The following ADAM11 variants were observed in gnomAD, a reference collection of about 807,000 sequenced individuals.
The protein encoded by ADAM11 is ADAM metallopeptidase domain 11.
ADAM11 carries 49 observed loss-of-function variants against 119.1 expected under a neutral mutation model. That is an observed-to-expected ratio of 0.41 (90% CI 0.33 to 0.52). The LOEUF is 0.52. Ranked by LOEUF, ADAM11 falls within the 20% of genes least tolerant of loss-of-function variation. ADAM11 has a pLI of 0.20. For synonymous variants in ADAM11, 364 were observed against 408.0 expected (o/e 0.89, Z 1.30); for missense variants, 777 against 1,047.5 (o/e 0.74, Z 3.56).
Position 44,776,629 on chromosome 17 carries a change from G to A in ADAM11, c.1567-116G>A. 7.7e-7 allele frequency: 1 copy of A among 1,302,160 alleles called. No homozygotes were observed. Among genetic ancestry groups the A allele is most frequent in the Non-Finnish European group, 1.1e-6 (1 of 940,386 alleles). The allele number at this position is 1,302,160 out of a possible 1,614,324, so 80.7% of individuals were successfully genotyped here. A position where few individuals can be genotyped will look rare whatever the true frequency, so the allele number is the denominator to read the frequency against. ...GATCGCTTGTCCTAGGCGTGGAAGA[G>A]CCCTGTGGCATGAGCCCCCAATGGG... On this transcript the variant is annotated intron_variant, in intron 18 of 26. Transcript: ENST00000200557. This position sits in a 1 kb window ranked among gnomAD's most constrained non-coding sequence, Gnocchi z 5.2.
intron 11 of ADAM11, among the ~76,000 whole-genome samples, chr17:44,774,021 G>A (rs1364216278): frequency 6.6e-6 from 1 of 152,188 alleles, no homozygotes; most frequent in Admixed American, 6.5e-5. Flanking sequence ...AACCCAGGAG[G>A]TGGAGATTGC....
chr17:44,759,764 G>C lies in ADAM11; in HGVS notation c.104G>C (p.Gly35Ala), dbSNP rs2049366507. 3 of 1,325,700 alleles carry C rather than the reference G, an allele frequency of 2.3e-6. No individual in the cohort carries two copies. Among genetic ancestry groups the C allele is most frequent in the Admixed American group, 3.0e-5 (1 of 32,958 alleles). The allele number at this position is 1,325,700 out of a possible 1,614,324, so 82.1% of individuals were successfully genotyped here. ...QGPAGALRWG[G>A]LPQLGGPGAP... The stretch of plus-strand genomic sequence containing the variant: ...CCTGCTGGAGCTCTGCGATGGGGGG[G>C]CTTACCCCAGCTGGGAGGCCCAGGA... The change falls in exon 2 of 27, where the codon GGC becomes GCC. Residue 35 changes from glycine to alanine, a missense_variant. By Grantham distance (60) the Gly-to-Ala change is moderately conservative. Transcript: ENST00000200557.
chr17:44,769,261 G>A (rs886845), intron 2 of ADAM11, among the ~76,000 whole-genome samples: 135,848 of 152,208 alleles, frequency 0.89, 60,694 homozygotes, highest in African/African-American at 0.91. Flanking sequence ...GGCTGGGGCC[G>A]GGGTAGGGGG....
rs150238021 is a variant in ADAM11, at chr17:44,773,749, T to G, written c.992+322T>G. On this transcript the variant is annotated intron_variant, in intron 11 of 26. Coordinates refer to ENST00000200557, the MANE Select transcript of ADAM11 (RefSeq NM_002390.6). This position sits in a 1 kb window ranked among gnomAD's most constrained non-coding sequence, Gnocchi z 4.6. ...GGGAAAAAAATCTAATAAAAGGGCC[T>G]TGCAACTAGAGATGGTCTACTGGGA... is the stretch of plus-strand genomic sequence containing the variant. Among the ~76,000 whole-genome samples the G allele has an allele frequency of 2.9e-3, 439 of 152,300 alleles. 2 individuals are homozygous for G. The highest frequency in any genetic ancestry group is 0.01 in the African/African-American group (421 of 41,570).
intron 4 of ADAM11, 60 bp downstream of exon 4, chr17:44,770,108 T>C (rs189960470): frequency 8.8e-6 from 14 of 1,587,644 alleles, no homozygotes; most frequent in Non-Finnish European, 1.2e-5. Context: ...TTTCTGTGGT[T>C]CTGTGGTCAC....
chr17:44,762,917 G>A (rs546497417), intron 2 of ADAM11, among the ~76,000 whole-genome samples: 1 of 150,946 alleles, frequency 6.6e-6, no homozygotes, highest in East Asian at 1.9e-4. Context: ...GATTGCTTGA[G>A]ACCAGGAGTT....
Position 44,773,443 on chromosome 17 carries a change from T to C in ADAM11, c.992+16T>C, listed in dbSNP as rs1442883990. 2 of 1,607,948 alleles carry C rather than the reference T, an allele frequency of 1.2e-6. No individual in the cohort carries two copies. Among genetic ancestry groups the C allele is most frequent in the African/African-American group, 1.3e-5 (1 of 74,824 alleles). On this transcript the variant is annotated intron_variant, in intron 11 of 26. Transcript: ENST00000200557. The surrounding 1 kb of genome is among the most constrained non-coding windows in gnomAD (Gnocchi z 4.6). ...ACCTCTTCTCGTGAGTCCCCCACCC[T>C]GCACCTCCTGCCAGCCTCTGCTAGT...
rs1185464531 is a variant in ADAM11 at position 44,773,985 on chromosome 17, G to A, written c.993-310G>A. On this transcript the variant is annotated intron_variant, in intron 11 of 26. Coordinates refer to ENST00000200557, the MANE Select transcript of ADAM11 (RefSeq NM_002390.6). This position sits in a 1 kb window ranked among gnomAD's most constrained non-coding sequence, Gnocchi z 4.6. The stretch of plus-strand genomic sequence containing the variant: ...GTGCACCTGTAGTCCCAGCTACTCG[G>A]GAGGCTGAGGCAGGAGAATCGTTTG... 1.3e-5 allele frequency among the ~76,000 whole-genome samples: 2 copies of A among 152,198 alleles called. No individual in the cohort carries two copies. Among genetic ancestry groups the A allele is most frequent in the Non-Finnish European group, 2.9e-5 (2 of 68,034 alleles).
rs376691034 is a variant in ADAM11 at position 44,779,157 on chromosome 17, C to T, written c.2277-65C>T. On this transcript the variant is annotated intron_variant, in intron 25 of 26. Transcript: ENST00000200557. ...GTCGCATGGCAGCCAAAGGCCCCTC[C>T]CTGAGAGAAGCAAAAGGTCAGATGT... The T allele has an allele frequency of 6.2e-4, 966 of 1,561,772 alleles. 2 individuals are homozygous for T. The highest frequency in any genetic ancestry group is 3.1e-3 in the Middle Eastern group (18 of 5,894).
At chr17:44,770,169 C>A in intron 4 of ADAM11, 121 bp downstream of exon 4, 1 of 1,194,366 alleles carries the variant, frequency 8.4e-7, no homozygotes, top group Non-Finnish European at 1.2e-6. Flanking sequence ...CCTGGCCCCT[C>A]AGCACCTTCC....
At chr17:44,771,731 G>A in intron 5 of ADAM11, 25 bp from the exon 6 acceptor site, 1 of 1,612,922 alleles carries the variant, frequency 6.2e-7, no homozygotes, top group Non-Finnish European at 8.5e-7. Context: ...GGGGACGGAG[G>A]GGAGCTGCGC....
Position 44,777,781 on chromosome 17 carries a change from A to T in ADAM11, c.1988A>T (p.Asp663Val). ...TGCGGGCCTAACATGTTGTGCCTGG[A>T]CCATCGCTGCCTGCCAGCTTCTGCC... is the stretch of plus-strand genomic sequence containing the variant. ...TACGPNMLCL[D>V]HRCLPASAFN... Residue 663 changes from aspartate (D) to valine (V), a missense_variant, in exon 23 of 27, where the codon GAC (aspartate) becomes GTC (valine). This residue lies in a region of ADAM11 where 348 missense variants were observed against 486.7 expected (regional missense o/e 0.72). Transcript: ENST00000200557. This position sits in a 1 kb window ranked among gnomAD's most constrained non-coding sequence, Gnocchi z 5.1. 1 of 1,613,958 alleles carries T rather than the reference A, an allele frequency of 6.2e-7. No homozygotes were observed. Among genetic ancestry groups the T allele is most frequent in the Non-Finnish European group, 8.5e-7 (1 of 1,179,980 alleles).
chr17:44,777,375 G>A lies in ADAM11; in HGVS notation c.1782-107G>A. On this transcript the variant is annotated intron_variant, in intron 21 of 26. Transcript: ENST00000200557. This position sits in a 1 kb window ranked among gnomAD's most constrained non-coding sequence, Gnocchi z 5.1. ...AGGAGCCTGTCAGTCCCAATGGGCG[G>A]GCACGTGGCAAATGAGGTGGCAGGG... 2 of 1,521,160 alleles carry A rather than the reference G, an allele frequency of 1.3e-6. No individual in the cohort carries two copies. Among genetic ancestry groups the A allele is most frequent in the Non-Finnish European group, 9.0e-7 (1 of 1,106,172 alleles). The allele number at this position is 1,521,160 out of a possible 1,614,324, so 94.2% of individuals were successfully genotyped here.
rs753616663 is a variant in ADAM11 at position 44,777,917 on chromosome 17, C to T, written c.2071-35C>T. ...AGAAGCTTACAAGAGGGGACAGGCC[C>T]CTGCTCACCTCTCCTGGCCCTGCCC... is the stretch of plus-strand genomic sequence containing the variant. On this transcript the variant is annotated intron_variant, in intron 23 of 26. Transcript: ENST00000200557. This position sits in a 1 kb window ranked among gnomAD's most constrained non-coding sequence, Gnocchi z 5.1. 9.3e-6 allele frequency: 15 copies of T among 1,613,588 alleles called. No homozygotes were observed. Among genetic ancestry groups the T allele is most frequent in the Non-Finnish European group, 1.3e-5 (15 of 1,179,860 alleles).
chr17:44,769,816 A>G, intron 3 of ADAM11, 22 bp downstream of exon 3: 1 of 1,612,146 alleles, frequency 6.2e-7, no homozygotes, highest in Non-Finnish European at 8.5e-7. Context: ...CTTGAGCCCA[A>G]GAGGAAGGGC....
rs563708923 is a variant in ADAM11 at position 44,762,760 on chromosome 17, G to C, written c.237+2863G>C. 3.9e-5 allele frequency among the ~76,000 whole-genome samples: 6 copies of C among 152,276 alleles called. No homozygotes were observed. In the South Asian group the frequency reaches 1.2e-3, roughly 32 times the overall value. On this transcript the variant is annotated intron_variant, in intron 2 of 26. Transcript: ENST00000200557. ...ACTACCAGGAGGTGGTGATGGGAAA[G>C]AGCTTTACGTGCTGAGGATTCCTGG...
Position 44,772,895 on chromosome 17 carries a change from G to A in ADAM11, c.717G>A (p.Lys239=), listed in dbSNP as rs777253895. 105 of 1,613,976 alleles carry A rather than the reference G, an allele frequency of 6.5e-5. No homozygotes were observed. Among genetic ancestry groups the A allele is most frequent in the Non-Finnish European group, 3.4e-5 (40 of 1,180,008 alleles). ...ACCCTACAGTGCACAGTGAAACCAA[G>A]TATGTGGAGCTAATTGTGATCAACG... The part of the protein sequence containing the change: ...RGHPTVHSET[K]YVELIVINDH... Residue 239 remains lysine, a synonymous_variant, in exon 9 of 27, where the codon AAG becomes AAA. Coordinates refer to ENST00000200557, the MANE Select transcript of ADAM11 (RefSeq NM_002390.6). The surrounding 1 kb of genome is among the most constrained non-coding windows in gnomAD (Gnocchi z 4.5).
chr17:44,772,429 C>T lies in ADAM11; in HGVS notation c.641C>T (p.Ala214Val). Residue 214 changes from alanine to valine, a missense_variant, in exon 8 of 27, where the codon GCT (alanine) becomes GTT (valine). Ala to Val is a moderately conservative substitution (Grantham distance 64). This residue lies in a region of ADAM11 where 278 missense variants were observed against 310.1 expected (regional missense o/e 0.90). Coordinates refer to ENST00000200557, the MANE Select transcript of ADAM11 (RefSeq NM_002390.6). This position sits in a 1 kb window ranked among gnomAD's most constrained non-coding sequence, Gnocchi z 4.5. Reference protein sequence around the residue: ...GCLFAVPAQSAPPNRPRLRRK... With the variant: ...GCLFAVPAQSVPPNRPRLRRK... ...CTGTTTGCTGTGCCTGCCCAGTCGGCTCCTCCAAACCGGCCGAGGCTGAGA... is the reference window on the plus strand; with the variant it reads ...CTGTTTGCTGTGCCTGCCCAGTCGGTTCCTCCAAACCGGCCGAGGCTGAGA... 2 of 1,577,696 alleles carry T rather than the reference C, an allele frequency of 1.3e-6. No individual in the cohort carries two copies. Among genetic ancestry groups the T allele is most frequent in the Non-Finnish European group, 1.7e-6 (2 of 1,161,202 alleles).
chr17:44,774,598 G>A lies in ADAM11; in HGVS notation c.1168+16G>A, dbSNP rs898112875. The A allele has an allele frequency of 8.1e-6, 13 of 1,610,556 alleles. 1 individual carries two copies. The highest frequency in any genetic ancestry group is 3.3e-4 in the Middle Eastern group (2 of 6,042). ...AGCTCGGCAGGTATCCTCCCCCAGA[G>A]GCCCCCGTGTGGCCCACGCCCAGCA... is the stretch of plus-strand genomic sequence containing the variant. On this transcript the variant is annotated intron_variant, in intron 13 of 26. Coordinates refer to ENST00000200557, the MANE Select transcript of ADAM11 (RefSeq NM_002390.6).
Sources: allele counts gnomAD v4.1 joint callset (sites outside exome capture counted in the v4.1 genomes callset), GRCh38; gene constraint gnomAD v4.1.1; regional missense constraint gnomAD v4.1.1; non-coding constraint Gnocchi (gnomAD v3.1); transcripts MANE v1.5; gene names NCBI Gene and HGNC (gene_info 2026-07-23, HGNC 2026-07-21).